CSMD1: variants seen among roughly 807,000 people sequenced by gnomAD.
CSMD1 encodes CUB and sushi domain-containing protein 1.
CSMD1 carries 213 observed loss-of-function variants against 417.5 expected under a neutral mutation model. The ratio of observed to expected loss-of-function variants is 0.51; its 90% CI spans 0.46 to 0.57. CSMD1 has a LOEUF of 0.57. Among genes scored for constraint, CSMD1 ranks in the 20% least tolerant of loss-of-function variants. The probability of loss-of-function intolerance (pLI) is 0.00; values close to 1 mark genes in which losing one functional copy is unlikely to be tolerated. For missense variants in CSMD1, 6,923 were observed against 4,529.7 expected, an observed-to-expected ratio of 1.53 and a Z score of -15.17; for synonymous variants, 2,862 against 1,736.8, an observed-to-expected ratio of 1.65 and a Z score of -16.11.
At chr8:3,512,339 C>G (rs1334777227) in intron 10 of CSMD1, among the ~76,000 whole-genome samples, 2 of 152,180 alleles carry the variant, frequency 1.3e-5, no homozygotes, top group Non-Finnish European at 2.9e-5. Context: ...CAGCCTCAGC[C>G]TCTCCCCTAA....
intron 18 of CSMD1, among the ~76,000 whole-genome samples, chr8:3,386,922 A>G (rs896896362): frequency 1.3e-5 from 2 of 152,216 alleles, no homozygotes; most frequent in African/African-American, 4.8e-5. Context: ...GAGCAATACA[A>G]TAACACAAAA....
At chr8:4,817,139 A>T (rs1799254591) in intron 1 of CSMD1, among the ~76,000 whole-genome samples, 1 of 152,154 alleles carries the variant, frequency 6.6e-6, no homozygotes, top group South Asian at 2.1e-4. Flanking sequence ...ACATATCATA[A>T]TATTTACATA....
chr8:4,469,210 G>C (rs535790297), intron 2 of CSMD1, among the ~76,000 whole-genome samples: 4 of 152,248 alleles, frequency 2.6e-5, no homozygotes, highest in South Asian at 2.1e-4. Flanking sequence ...ACCTCTCCAA[G>C]GCCAAGACCT....
rs369034972 is a variant in CSMD1 at position 4,693,642 on chromosome 8, T to C, written c.86-56084A>G. Reference sequence around the variant, plus strand: ...TCCTTCCATTTTTTCAAATGGGTGATCTTTCATTTTAGTATTCATTTTCTC... The same window carrying C: ...TCCTTCCATTTTTTCAAATGGGTGACCTTTCATTTTAGTATTCATTTTCTC... On this transcript the variant is annotated intron_variant, in intron 1 of 69. Transcript: ENST00000635120. Among the ~76,000 whole-genome samples, 7 of 152,196 alleles carry C rather than the reference T, an allele frequency of 4.6e-5. No homozygotes were observed. In the East Asian group the frequency reaches 1.3e-3, roughly 29 times the overall value.
intron 3 of CSMD1, among the ~76,000 whole-genome samples, chr8:4,306,848 A>C (rs12546020): frequency 6.6e-6 from 1 of 151,718 alleles, no homozygotes; most frequent in African/African-American, 2.4e-5. Flanking sequence ...AAAAAATCTA[A>C]TAATTTTTCA....
chr8:3,192,598 G>A (rs1002568925), intron 33 of CSMD1, among the ~76,000 whole-genome samples: 4 of 152,184 alleles, frequency 2.6e-5, no homozygotes, highest in African/African-American at 7.2e-5. Flanking sequence ...AGAGGCACGA[G>A]AAGCAGCACT....
intron 1 of CSMD1, among the ~76,000 whole-genome samples, chr8:4,821,841 G>C (rs1194462828): frequency 2.6e-5 from 4 of 152,240 alleles, no homozygotes; most frequent in Non-Finnish European, 2.9e-5. Context: ...GATCAGAAAA[G>C]CTGAGCCTGT....
At chr8:3,763,384 C>A (rs1423988039) in intron 5 of CSMD1, among the ~76,000 whole-genome samples, 1 of 152,050 alleles carries the variant, frequency 6.6e-6, no homozygotes, top group East Asian at 1.9e-4. Context: ...GGTGCCTTCC[C>A]CATGGTAATG....
At chr8:4,989,808 A>C (rs1811368905) in intron 1 of CSMD1, among the ~76,000 whole-genome samples, 1 of 152,224 alleles carries the variant, frequency 6.6e-6, no homozygotes, top group African/African-American at 2.4e-5. Flanking sequence ...GTCTGCTTAT[A>C]AGCACGAACC....
intron 2 of CSMD1, among the ~76,000 whole-genome samples, chr8:4,428,947 G>A (rs998971202): frequency 2.0e-5 from 3 of 151,956 alleles, no homozygotes; most frequent in African/African-American, 7.2e-5. Context: ...TTCCTGACTT[G>A]AAGTGATCCA....
At chr8:3,779,506 T>C (rs1799064982) in intron 5 of CSMD1, among the ~76,000 whole-genome samples, 1 of 152,162 alleles carries the variant, frequency 6.6e-6, no homozygotes, top group African/African-American at 2.4e-5. Flanking sequence ...TTTCATCAAA[T>C]ATGTGATGGA....
At chr8:3,455,491 G>C (rs549590845) in intron 12 of CSMD1, among the ~76,000 whole-genome samples, 18 of 152,246 alleles carry the variant, frequency 1.2e-4, no homozygotes, top group African/African-American at 3.9e-4. Flanking sequence ...TGGGGTTTTG[G>C]TGTGGATGTC....
At chr8:3,422,553 G>A (rs1002247549) in intron 12 of CSMD1, among the ~76,000 whole-genome samples, 9 of 152,168 alleles carry the variant, frequency 5.9e-5, no homozygotes, top group African/African-American at 1.9e-4. Flanking sequence ...ACAGAAGACA[G>A]AAGACAAAAC....
chr8:4,188,887 C>A (rs1445947301), intron 3 of CSMD1, among the ~76,000 whole-genome samples: 1 of 151,872 alleles, frequency 6.6e-6, no homozygotes, highest in Non-Finnish European at 1.5e-5. Flanking sequence ...ATGGATCTGC[C>A]TGATGAAACA....
At chr8:3,964,497 T>C (rs999483613) in intron 5 of CSMD1, among the ~76,000 whole-genome samples, 2 of 152,162 alleles carry the variant, frequency 1.3e-5, no homozygotes, top group African/African-American at 2.4e-5. Context: ...ATTCTCTTTC[T>C]AGCCTGCCAT....
chr8:3,629,438 C>T (rs566025551), intron 7 of CSMD1, among the ~76,000 whole-genome samples: 1 of 152,234 alleles, frequency 6.6e-6, no homozygotes, highest in Admixed American at 6.5e-5. Context: ...CTTAAAATAT[C>T]AACCATACAA....
chr8:4,237,867 A>T (rs546673611), intron 3 of CSMD1, among the ~76,000 whole-genome samples: 23 of 152,150 alleles, frequency 1.5e-4, no homozygotes, highest in Non-Finnish European at 2.9e-4. Flanking sequence ...TTTCTGGACA[A>T]TGCCTTATGT....
At chr8:3,570,868 G>A (rs575491866) in intron 10 of CSMD1, among the ~76,000 whole-genome samples, 16 of 152,158 alleles carry the variant, frequency 1.1e-4, no homozygotes, top group Admixed American at 9.8e-4. Flanking sequence ...AGTAGTAAAA[G>A]GTTTAAACAA....
intron 2 of CSMD1, among the ~76,000 whole-genome samples, chr8:4,566,648 G>A (rs1798623205): frequency 3.0e-5 from 2 of 67,650 alleles, no homozygotes; most frequent in Middle Eastern, 0.018. Context: ...GGGAGACTCT[G>A]ACTCAAAAAA....
Sources: allele counts gnomAD v4.1 joint callset (sites outside exome capture counted in the v4.1 genomes callset), GRCh38; gene constraint gnomAD v4.1.1; transcripts MANE v1.5; gene names NCBI Gene and HGNC (gene_info 2026-07-23, HGNC 2026-07-21).